The following TENM4 variants were observed in gnomAD, a reference collection of about 807,000 sequenced individuals.
The protein encoded by TENM4 is teneurin-4.
In TENM4, 82 loss-of-function variants were observed where a neutral mutation model predicts 243.3. The observed-to-expected ratio is 0.34, with a 90% CI of 0.28 to 0.40. The LOEUF (loss-of-function observed/expected upper bound fraction) is 0.40. Ranked by LOEUF, TENM4 falls within the 10% of genes least tolerant of loss-of-function variation. The pLI is 1.00. For missense variants in TENM4, 3,138 were observed against 3,673.3 expected (o/e 0.85, Z 3.77); for synonymous variants, 1,412 against 1,456.3 (o/e 0.97, Z 0.69).
At chr11:79,061,518 A>G (rs1368845617) in intron 6 of TENM4, among the ~76,000 whole-genome samples, 1 of 152,214 alleles carries the variant, frequency 6.6e-6, no homozygotes, top group Non-Finnish European at 1.5e-5. Context: ...TCCCACTATC[A>G]AAGGCTGAAA....
chr11:78,863,737 G>A (rs945081226), intron 9 of TENM4, among the ~76,000 whole-genome samples: 2 of 152,196 alleles, frequency 1.3e-5, no homozygotes, highest in Non-Finnish European at 2.9e-5. Context: ...ACTGGTGTGA[G>A]AATATAATGT....
intron 19 of TENM4, among the ~76,000 whole-genome samples, chr11:78,743,480 A>G (rs1855978210): frequency 6.6e-6 from 1 of 152,220 alleles, no homozygotes; most frequent in Non-Finnish European, 1.5e-5. Context: ...CAATGAATAA[A>G]GAGCTTATGT....
In TENM4 at chr11:79,377,761, G is replaced by A. The variant is rs185431962; in HGVS notation, c.-321+62748C>T. Among the ~76,000 whole-genome samples, 8 of 152,322 alleles carry A rather than the reference G, an allele frequency of 5.3e-5. No homozygotes were observed. In the East Asian group the frequency reaches 1.5e-3, roughly 29 times the overall value. On this transcript the variant is annotated intron_variant, in intron 1 of 33. Transcript: ENST00000278550. ...AAGAGGGAAGCTGGATGGGTTAAAT[G>A]TGGCCCTAAAAGAAAAGTGTTCTGT... is the stretch of plus-strand genomic sequence containing the variant.
chr11:78,821,770 T>C (rs1428025532), intron 12 of TENM4, among the ~76,000 whole-genome samples: 1 of 152,238 alleles, frequency 6.6e-6, no homozygotes, highest in Non-Finnish European at 1.5e-5. Flanking sequence ...ATAAGGACTT[T>C]GTTTTGTGGC....
At chr11:79,414,793 G>A (rs1590949616) in intron 1 of TENM4, among the ~76,000 whole-genome samples, 2 of 152,344 alleles carry the variant, frequency 1.3e-5, no homozygotes, top group South Asian at 2.1e-4. Flanking sequence ...CAACCAAGCA[G>A]CCCTGCCTGA....
intron 4 of TENM4, among the ~76,000 whole-genome samples, chr11:79,139,966 C>T (rs865874569): frequency 2.0e-5 from 3 of 150,772 alleles, no homozygotes; most frequent in African/African-American, 7.3e-5. Flanking sequence ...TGTCCGCTTA[C>T]ATCTTTTATT....
chr11:78,856,290 A>G (rs1858678786), intron 10 of TENM4, 112 bp from the exon 11 acceptor site: 5 of 932,760 alleles, frequency 5.4e-6, no homozygotes, highest in Non-Finnish European at 8.0e-6. Flanking sequence ...ATCCTTCTCT[A>G]TAATGTTCTG....
At chr11:79,195,951 G>A (rs1863618560) in intron 3 of TENM4, among the ~76,000 whole-genome samples, 2 of 152,110 alleles carry the variant, frequency 1.3e-5, no homozygotes, top group Non-Finnish European at 2.9e-5. Flanking sequence ...ACCAGCGGGA[G>A]GTAACTGAAT....
chr11:78,852,459 C>T (rs954112224), intron 12 of TENM4, among the ~76,000 whole-genome samples: 4 of 151,992 alleles, frequency 2.6e-5, no homozygotes, highest in South Asian at 2.1e-4. Flanking sequence ...TCAAAGTGGG[C>T]GGCTCACTTG....
In TENM4 at chr11:78,669,794, C is replaced by T. The variant is rs753423302; in HGVS notation, c.6551G>A (p.Gly2184Glu). Residue 2184 changes from glycine to glutamate, a missense_variant, in exon 32 of 34, where the codon GGA becomes GAA. Transcript: ENST00000278550. This position sits in a 1 kb window ranked among gnomAD's most constrained non-coding sequence, Gnocchi z 6.4. ...GRVVKKELKV[G>E]PYANTTRYSY... is the part of the protein sequence containing the mutation. ...GTAGCGAGTGGTATTGGCGTAGGGTCCTACCTTCAGCTCCTTCTTCACTAC... is the reference window on the plus strand; with the variant it reads ...GTAGCGAGTGGTATTGGCGTAGGGTTCTACCTTCAGCTCCTTCTTCACTAC... 3 of 1,613,928 alleles carry T rather than the reference C, an allele frequency of 1.9e-6. No individual in the cohort carries two copies. Among genetic ancestry groups the T allele is most frequent in the South Asian group, 2.2e-5 (2 of 91,070 alleles).
chr11:79,244,368 T>C (rs1855477267), intron 2 of TENM4, among the ~76,000 whole-genome samples: 1 of 151,974 alleles, frequency 6.6e-6, no homozygotes, highest in East Asian at 1.9e-4. Flanking sequence ...GGTCTGGAAG[T>C]GGGATTGTTC....
Position 79,239,023 on chromosome 11 carries a change from T to TCAAACAAA in TENM4, c.-264-23122_-264-23115dup, listed in dbSNP as rs36069608. 2.4e-3 allele frequency among the ~76,000 whole-genome samples: 363 copies of TCAAACAAA among 151,326 alleles called. 5 individuals are homozygous for TCAAACAAA. Among genetic ancestry groups the TCAAACAAA allele is most frequent in the East Asian group, 7.1e-3 (36 of 5,064 alleles). ...CTCAGTAACAGAGCAAGACTCTGTCTCAAACAAACAAACAAACAAACACGC... is the reference window on the plus strand; with the variant it reads ...CTCAGTAACAGAGCAAGACTCTGTCTCAAACAAACAAACAAACAAACAAACAAACACGC... On this transcript the variant is annotated intron_variant, in intron 2 of 33. Transcript: ENST00000278550.
intron 14 of TENM4, among the ~76,000 whole-genome samples, chr11:78,809,944 T>C (rs1857462490): frequency 6.6e-6 from 1 of 152,192 alleles, no homozygotes; most frequent in Admixed American, 6.5e-5. Flanking sequence ...CACTTTTCAC[T>C]GTGAAAGGTC....
intron 4 of TENM4, among the ~76,000 whole-genome samples, chr11:79,075,309 C>A (rs953115279): frequency 1.3e-5 from 2 of 152,192 alleles, no homozygotes; most frequent in East Asian, 1.9e-4. Flanking sequence ...CAACTGCAAA[C>A]CTTCTTTCCA....
At position 78,885,368 on chromosome 11, in the gene TENM4, AATACATATTTTC is replaced by A. The variant is rs1336823195; in HGVS notation, c.1084+4405_1084+4416del. ...CTGAATTGGTGCCTTTGGAGACAAA[AATACATATTTTC>A]TCTCTGAAGAGATCCCACAGCTGTG... On this transcript the variant is annotated intron_variant, in intron 9 of 33. Transcript: ENST00000278550. Among the ~76,000 whole-genome samples, 9 of 152,302 alleles carry A rather than the reference AATACATATTTTC, an allele frequency of 5.9e-5. No individual in the cohort carries two copies. The East Asian group carries it at 1.5e-3, about 26-fold the overall frequency.
rs938109689 is a variant in TENM4, at chr11:79,440,309, A to G, written c.-321+200T>C. On this transcript the variant is annotated intron_variant, in intron 1 of 33. Transcript: ENST00000278550. This position sits in a 1 kb window ranked among gnomAD's most constrained non-coding sequence, Gnocchi z 4.7. ...CTGCGGCGGCTCCAGGCTCCAGAAC[A>G]GCTTGCCTCTTCGGCCACCCGCGCC... Among the ~76,000 whole-genome samples, 3 of 151,632 alleles carry G rather than the reference A, an allele frequency of 2.0e-5. No homozygotes were observed. Among genetic ancestry groups the G allele is most frequent in the African/African-American group, 7.3e-5 (3 of 41,300 alleles).
intron 18 of TENM4, among the ~76,000 whole-genome samples, chr11:78,767,809 C>A (rs796954633): frequency 6.6e-5 from 10 of 152,332 alleles, no homozygotes; most frequent in African/African-American, 2.4e-4. Context: ...GAAATAAAGG[C>A]ACTTATTTAA....
chr11:78,863,273 G>T, intron 9 of TENM4, 141 bp from the exon 10 acceptor site: 1 of 965,270 alleles, frequency 1.0e-6, no homozygotes, highest in Non-Finnish European at 1.4e-6. Flanking sequence ...GGAAGCTCTT[G>T]TAGTGCCAGC....
intron 4 of TENM4, among the ~76,000 whole-genome samples, chr11:79,138,989 T>G (rs1402473101): frequency 3.9e-5 from 2 of 51,250 alleles, no homozygotes; most frequent in East Asian, 2.8e-4. Context: ...TATATTTCTA[T>G]AAATATATAA....
Sources: allele counts gnomAD v4.1 joint callset (sites outside exome capture counted in the v4.1 genomes callset), GRCh38; gene constraint gnomAD v4.1.1; non-coding constraint Gnocchi (gnomAD v3.1); transcripts MANE v1.5; gene names NCBI Gene and HGNC (gene_info 2026-07-23, HGNC 2026-07-21).